CEP250: variants seen among roughly 807,000 people sequenced by gnomAD.
CEP250 encodes the protein centrosome-associated protein CEP250.
Under a neutral mutation model 315.7 loss-of-function variants are expected in CEP250, and 242 were observed. That is an observed-to-expected ratio of 0.77 (90% confidence interval 0.69 to 0.85). The LOEUF (loss-of-function observed/expected upper bound fraction) is 0.85. CEP250 is among the 40% of genes least tolerant of loss of function. CEP250 has a pLI of 0.00. For synonymous variants in CEP250, 1,088 were observed against 1,175.0 expected, an observed-to-expected ratio of 0.93 and a Z score of 1.51; for missense variants, 2,515 against 2,886.4, an observed-to-expected ratio of 0.87 and a Z score of 2.95.
At chr20:35,482,176 G>T (rs2063366960) in intron 20 of CEP250, among the ~76,000 whole-genome samples, 1 of 152,162 alleles carries the variant, frequency 6.6e-6, no homozygotes, top group African/African-American at 2.4e-5. Flanking sequence ...TGTTGGTATT[G>T]AGAAGTTAGC....
intron 9 of CEP250, among the ~76,000 whole-genome samples, chr20:35,468,641 T>C (rs2062950140): frequency 6.6e-6 from 1 of 152,168 alleles, no homozygotes; most frequent in African/African-American, 2.4e-5. Flanking sequence ...TAGTACTTTG[T>C]ACTTCACCTG....
At chr20:35,486,825 G>A (rs1356137738) in intron 20 of CEP250, among the ~76,000 whole-genome samples, 2 of 152,018 alleles carry the variant, frequency 1.3e-5, no homozygotes, top group African/African-American at 2.4e-5. Flanking sequence ...GTCTATAGTC[G>A]GTGCTTAAAA....
Position 35,498,714 on chromosome 20 carries a change from C to T in CEP250, c.3775C>T (p.Arg1259Trp). The T allele has an allele frequency of 3.2e-6, 5 of 1,569,864 alleles. No individual in the cohort carries two copies. The highest frequency in any genetic ancestry group is 4.3e-6 in the Non-Finnish European group (5 of 1,164,946). The change falls in exon 27 of 35, where the codon CGG becomes TGG. Residue 1259 changes from arginine to tryptophan, a missense_variant and splice_region_variant. Arg to Trp is a moderately radical substitution (Grantham distance 101). Coordinates refer to ENST00000397527, the MANE Select transcript of CEP250 (RefSeq NM_007186.6). Reference sequence around the variant, plus strand: ...AGACCTGTGGAAGACTCAACAGACCCGGGTATGTTTCTCTGCTCCCCTTTC... The same window carrying T: ...AGACCTGTGGAAGACTCAACAGACCTGGGTATGTTTCTCTGCTCCCCTTTC... Reference protein sequence around the residue: ...HQDLWKTQQTRDVLRDQVQKL... With the variant: ...HQDLWKTQQTWDVLRDQVQKL...
intron 15 of CEP250, among the ~76,000 whole-genome samples, 198 bp downstream of exon 15, chr20:35,475,844 CA>C (rs1201740798): frequency 3.9e-5 from 6 of 152,244 alleles, no homozygotes; most frequent in African/African-American, 1.4e-4. Flanking sequence ...CTGGTTATGT[CA>C]GTCTCTTAAA....
chr20:35,464,356 T>C (rs2062825200), intron 5 of CEP250, among the ~76,000 whole-genome samples: 1 of 152,196 alleles, frequency 6.6e-6, no homozygotes, highest in Non-Finnish European at 1.5e-5. Flanking sequence ...TCGCCCAGGC[T>C]GGAGTGGACT....
chr20:35,492,517 A>T (rs2063725779), intron 22 of CEP250, among the ~76,000 whole-genome samples: 1 of 152,206 alleles, frequency 6.6e-6, no homozygotes, highest in Non-Finnish European at 1.5e-5. Context: ...AATGCCTGCC[A>T]TGTGAAGAAC....
chr20:35,479,340 T>C lies in CEP250; in HGVS notation c.2204T>C (p.Val735Ala). Residue 735 changes from valine (V) to alanine (A), a missense_variant, in exon 18 of 35, where the codon GTA (valine) becomes GCA (alanine). Coordinates refer to ENST00000397527, the MANE Select transcript of CEP250 (RefSeq NM_007186.6). ...GCAGTCCAGGAGAAGGAGGCCCTAGTACGAGAGAAAGCGGCTCTAGAGGTG... is the reference window on the plus strand; with the variant it reads ...GCAGTCCAGGAGAAGGAGGCCCTAGCACGAGAGAAAGCGGCTCTAGAGGTG... Reference protein sequence around the residue: ...ARAVQEKEALVREKAALEVRL... With the variant: ...ARAVQEKEALAREKAALEVRL... The C allele has an allele frequency of 6.2e-7, 1 of 1,614,124 alleles. No homozygotes were observed. The highest frequency in any genetic ancestry group is 8.5e-7 in the Non-Finnish European group (1 of 1,180,008).
At chr20:35,508,419 A>G (rs2064258258) in intron 32 of CEP250, among the ~76,000 whole-genome samples, 3 of 151,934 alleles carry the variant, frequency 2.0e-5, no homozygotes, top group Non-Finnish European at 4.4e-5. Context: ...GGTTCAAGCA[A>G]TCCTCCTGCC....
chr20:35,490,915 G>A (rs184492144), intron 21 of CEP250, 111 bp downstream of exon 21: 21 of 1,309,544 alleles, frequency 1.6e-5, no homozygotes, highest in African/African-American at 1.3e-4. Context: ...CCAGAAGAGA[G>A]GGTAGCTACC....
rs368741007 is a variant in CEP250, at chr20:35,508,234, G to A, written c.6906+44G>A. ...CAGTGGGCATGCATCTCCACTTCTC[G>A]TGTGGTCCCTAGAGCATAGGCTCAG... On this transcript the variant is annotated intron_variant, in intron 32 of 34. Transcript: ENST00000397527. The A allele has an allele frequency of 8.3e-5, 134 of 1,604,954 alleles. No individual in the cohort carries two copies. The African/African-American group carries it at 1.3e-3, about 16-fold the overall frequency.
chr20:35,479,832 A>G (rs2063292342), intron 19 of CEP250, 59 bp downstream of exon 19: 4 of 1,611,464 alleles, frequency 2.5e-6, no homozygotes, highest in Admixed American at 1.7e-5. Context: ...AAAGGCAGGA[A>G]GATGGTGGGA....
intron 20 of CEP250, chr20:35,481,018 T>A (rs2063331363): frequency 1.3e-5 from 2 of 152,200 alleles, no homozygotes; most frequent in Admixed American, 6.6e-5. Context: ...TACTTTATTT[T>A]AAAAATCCTG....
At chr20:35,455,334 G>C (rs891133434), upstream of CEP250, 3 of 152,254 alleles carry the variant, frequency 2.0e-5, no homozygotes, top group African/African-American at 4.8e-5. Context: ...AATCCCGTTC[G>C]GGCAGCGGCC....
chr20:35,493,279 T>G, intron 22 of CEP250, 150 bp from the exon 23 acceptor site: 1 of 690,944 alleles, frequency 1.4e-6, no homozygotes. Flanking sequence ...GTGCACTTTG[T>G]GAGGGAGGAG....
chr20:35,478,941 C>T (rs2063255708), intron 17 of CEP250, among the ~76,000 whole-genome samples: 1 of 152,176 alleles, frequency 6.6e-6, no homozygotes, highest in Admixed American at 6.5e-5. Context: ...ACATTGATGA[C>T]TTTCTTCCCA....
intron 11 of CEP250, among the ~76,000 whole-genome samples, chr20:35,472,407 C>G (rs934704486): frequency 2.0e-5 from 3 of 152,186 alleles, no homozygotes; most frequent in African/African-American, 7.2e-5. Flanking sequence ...TTCTGGTATT[C>G]AATATCTCAA....
At chr20:35,465,987 G>A (rs1396729664) in intron 6 of CEP250, 52 bp from the exon 7 acceptor site, 5 of 1,599,028 alleles carry the variant, frequency 3.1e-6, no homozygotes, top group African/African-American at 1.3e-5. Context: ...GGAGGTCCAA[G>A]GGTTGGACTA....
intron 22 of CEP250, 126 bp downstream of exon 22, chr20:35,491,472 T>C (rs2063692554): frequency 9.4e-7 from 1 of 1,059,256 alleles, no homozygotes. Flanking sequence ...GACAAGTACA[T>C]AAAGGTATGG....
chr20:35,460,239 C>A (rs1195611367), intron 3 of CEP250, 134 bp downstream of exon 3: 1 of 152,176 alleles, frequency 6.6e-6, no homozygotes, highest in African/African-American at 2.4e-5. Flanking sequence ...TTATTGGTGC[C>A]ATTCTATTCT....
Sources: gnomAD v4.1 joint callset for allele counts (sites outside exome capture counted in the v4.1 genomes callset) on GRCh38, gnomAD v4.1.1 for gene constraint, MANE v1.5 for transcripts, NCBI Gene and HGNC (gene_info 2026-07-23, HGNC 2026-07-21) for gene names.